EYS: variants seen among roughly 807,000 people sequenced by gnomAD.
The protein encoded by EYS is EGF-like photoreceptor maintenance factor.
In EYS, 250 loss-of-function variants were observed where a neutral mutation model predicts 282.1. The ratio of observed to expected loss-of-function variants is 0.89; its 90% CI spans 0.80 to 0.98. The LOEUF is 0.98. Among genes scored for constraint, EYS ranks in the 50% least tolerant of loss-of-function variants. The probability of loss-of-function intolerance (pLI) is 0.00; values close to 1 mark genes in which losing one functional copy is unlikely to be tolerated. For synonymous variants in EYS, 1,355 were observed against 1,282.9 expected, an observed-to-expected ratio of 1.06 and a Z score of -1.20; for missense variants, 4,016 against 3,709.0, an observed-to-expected ratio of 1.08 and a Z score of -2.15.
intron 12 of EYS, among the ~76,000 whole-genome samples, chr6:65,166,432 T>C (rs764987322): frequency 6.6e-5 from 10 of 151,204 alleles, no homozygotes; most frequent in Non-Finnish European, 1.3e-4. Context: ...TTTCCTCACA[T>C]TTATGGTCAA....
intron 2 of EYS, among the ~76,000 whole-genome samples, chr6:65,621,229 T>G: frequency 6.6e-6 from 1 of 152,130 alleles, no homozygotes; most frequent in Non-Finnish European, 1.5e-5. Context: ...TTATGAAACT[T>G]GGTGCTCCTG....
chr6:65,278,123 G>T lies in EYS; in HGVS notation c.2023+17740C>A, dbSNP rs1412762859. 3.7e-5 allele frequency among the ~76,000 whole-genome samples: 5 copies of T among 136,634 alleles called. No homozygotes were observed. In the Admixed American group the frequency reaches 3.9e-4, roughly 11 times the overall value. The allele number at this position is 136,634 out of a possible 152,430, so 89.6% of individuals were successfully genotyped here. A position where few individuals can be genotyped will look rare whatever the true frequency, so the allele number is the denominator to read the frequency against. ...TGGGTCTAGAGCCTGTTGGCCTGTG[G>T]ACTGGAATTATAGCTTTGGCTGTCT... On this transcript the variant is annotated intron_variant, in intron 12 of 42. Transcript: ENST00000503581.
rs200701110 is a variant in EYS, at chr6:63,968,452, TC to T, written c.7055+15930del. Among the ~76,000 whole-genome samples the T allele has an allele frequency of 5.9e-3, 890 of 151,846 alleles. 9 individuals carry two copies. Among genetic ancestry groups the T allele is most frequent in the African/African-American group, 0.02 (811 of 41,372 alleles). On this transcript the variant is annotated intron_variant, in intron 35 of 42. Transcript: ENST00000503581. ...AATGCAGGGGTATGTGTGGAAACTT[TC>T]TTTTTTTCTTACTCCAAAAAGTGAA... is the stretch of plus-strand genomic sequence containing the variant.
intron 12 of EYS, among the ~76,000 whole-genome samples, chr6:65,281,053 A>G (rs1175426472): frequency 7.2e-6 from 1 of 139,454 alleles, no homozygotes. Flanking sequence ...AAAAAAAAAG[A>G]AAAGAAAAGA....
intron 1 of EYS, among the ~76,000 whole-genome samples, chr6:65,657,616 T>C (rs1416796366): frequency 6.6e-6 from 1 of 151,868 alleles, no homozygotes; most frequent in Admixed American, 6.6e-5. Flanking sequence ...TTGCTTTTTA[T>C]GGATGAGCAA....
At chr6:63,745,049 C>CA (rs762356902) in intron 41 of EYS, 3 of 414,206 alleles carry the variant, frequency 7.2e-6, no homozygotes, top group East Asian at 7.8e-5. Flanking sequence ...ATTCAGATGC[C>CA]AAAAAAGGTG....
At chr6:64,266,299 C>A (rs570743956) in intron 30 of EYS, among the ~76,000 whole-genome samples, 3 of 151,782 alleles carry the variant, frequency 2.0e-5, no homozygotes, top group African/African-American at 7.3e-5. Flanking sequence ...ATGGGTAATA[C>A]CTAAGCAATA....
At chr6:65,278,243 G>C (rs1768110361) in intron 12 of EYS, among the ~76,000 whole-genome samples, 1 of 68,456 alleles carries the variant, frequency 1.5e-5, no homozygotes, top group South Asian at 7.2e-4. Context: ...TAATCATGTG[G>C]GTCAATTCCT....
chr6:63,817,002 G>A (rs572359351), intron 36 of EYS, among the ~76,000 whole-genome samples: 4 of 152,244 alleles, frequency 2.6e-5, no homozygotes, highest in African/African-American at 9.6e-5. Flanking sequence ...AGTACAGAAG[G>A]AATCTCTGCA....
intron 29 of EYS, among the ~76,000 whole-genome samples, chr6:64,358,221 C>G (rs767400049): frequency 4.0e-5 from 6 of 151,596 alleles, no homozygotes; most frequent in Non-Finnish European, 8.9e-5. Flanking sequence ...TGCATCAGTG[C>G]TTGCAGCTTG....
Position 64,105,320 on chromosome 6 carries a change from G to A in EYS, c.6425-23318C>T, listed in dbSNP as rs117164458. 7.3e-3 allele frequency among the ~76,000 whole-genome samples: 1,117 copies of A among 152,080 alleles called. 6 individuals carry two copies. The highest frequency in any genetic ancestry group is 0.025 in the African/African-American group (1,052 of 41,498). On this transcript the variant is annotated intron_variant, in intron 31 of 42. Transcript: ENST00000503581. ...AAATTAATAAACTTTATTTATTAGA[G>A]TATTAGGCTCACAGAAAATTCAAGA...
chr6:65,109,230 T>TTAGG (rs763940222), intron 12 of EYS, among the ~76,000 whole-genome samples: 1 of 152,074 alleles, frequency 6.6e-6, no homozygotes, highest in Non-Finnish European at 1.5e-5. Flanking sequence ...CATGGTTATT[T>TTAGG]TAGGGTCGAA....
At chr6:64,934,550 A>G (rs1191266859) in intron 15 of EYS, among the ~76,000 whole-genome samples, 1 of 151,926 alleles carries the variant, frequency 6.6e-6, no homozygotes, top group East Asian at 1.9e-4. Flanking sequence ...CCTCATAAGA[A>G]TAACAATTGA....
intron 12 of EYS, among the ~76,000 whole-genome samples, chr6:65,091,809 T>C (rs2150178193): frequency 6.6e-6 from 1 of 152,176 alleles, no homozygotes; most frequent in South Asian, 2.1e-4. Flanking sequence ...CATTCGGTTG[T>C]AACCTGTTTG....
chr6:64,527,826 T>C (rs1031690540), intron 26 of EYS, among the ~76,000 whole-genome samples: 5 of 151,780 alleles, frequency 3.3e-5, no homozygotes, highest in African/African-American at 7.2e-5. Context: ...ATAGAAAATA[T>C]AGAAATTTTT....
chr6:65,372,740 A>G (rs9453286), intron 8 of EYS, among the ~76,000 whole-genome samples: 62,690 of 151,860 alleles, frequency 0.41, 13,931 homozygotes, highest in South Asian at 0.5. Flanking sequence ...CAATTTCAAT[A>G]AGGAAGTTCG....
At chr6:64,036,269 A>C (rs1011763746) in intron 33 of EYS, among the ~76,000 whole-genome samples, 3 of 152,162 alleles carry the variant, frequency 2.0e-5, no homozygotes, top group Non-Finnish European at 4.4e-5. Context: ...AGGGTGATGG[A>C]GTTTGGGTGC....
intron 15 of EYS, among the ~76,000 whole-genome samples, chr6:64,937,692 A>T (rs1768955972): frequency 6.6e-6 from 1 of 151,644 alleles, no homozygotes; most frequent in Admixed American, 6.6e-5. Context: ...GGTACTGCAA[A>T]AATTATACAT....
intron 30 of EYS, among the ~76,000 whole-genome samples, chr6:64,299,979 A>T (rs1182881757): frequency 6.6e-6 from 1 of 152,114 alleles, no homozygotes; most frequent in Non-Finnish European, 1.5e-5. Flanking sequence ...GGCCAAAATA[A>T]CAAAGAGGAA....
Sources: gnomAD v4.1 joint callset for allele counts (sites outside exome capture counted in the v4.1 genomes callset) on GRCh38, gnomAD v4.1.1 for gene constraint, MANE v1.5 for transcripts, NCBI Gene and HGNC (gene_info 2026-07-23, HGNC 2026-07-21) for gene names.